Variants in FBXL18 observed in about 807,000 individuals in gnomAD.
FBXL18 encodes F-box/LRR-repeat protein 18.
In FBXL18, 36 loss-of-function variants were observed where a neutral mutation model predicts 46.0. The ratio of observed to expected loss-of-function variants is 0.78; its 90% CI spans 0.60 to 1.03. FBXL18 has a LOEUF of 1.03. FBXL18 is among the 50% of genes least tolerant of loss of function. FBXL18 has a pLI of 0.00. For missense variants in FBXL18, 977 were observed against 1,004.1 expected (o/e 0.97, Z 0.36); for synonymous variants, 557 against 465.3 (o/e 1.20, Z -2.54).
At chr7:5,507,834 A>G (rs776455093) in intron 1 of FBXL18, among the ~76,000 whole-genome samples, 2 of 151,434 alleles carry the variant, frequency 1.3e-5, no homozygotes, top group Non-Finnish European at 2.9e-5. Context: ...ACACTGTCTC[A>G]AAAGAAAATT....
Position 5,505,543 on chromosome 7 carries a change from G to A in FBXL18, c.106C>T (p.Leu36Phe). ...GGGACGTGACTCAGGATGTGAAGGAGGATCTCATCAGAGAACCCTAGGAGG... is the reference window on the plus strand; with the variant it reads ...GGGACGTGACTCAGGATGTGAAGGAAGATCTCATCAGAGAACCCTAGGAGG... ...VHLLGFSDEI[L>F]LHILSHVPST... Residue 36 changes from leucine to phenylalanine, a missense_variant, in exon 2 of 5, where the codon CTC (leucine) becomes TTC (phenylalanine). Coordinates refer to ENST00000382368, the MANE Select transcript of FBXL18 (RefSeq NM_024963.6). 6.2e-7 allele frequency: 1 copy of A among 1,614,132 alleles called. No individual in the cohort carries two copies. The highest frequency in any genetic ancestry group is 8.5e-7 in the Non-Finnish European group (1 of 1,180,018).
chr7:5,474,095 C>T (rs1489576761), downstream of FBXL18, among the ~76,000 whole-genome samples: 1 of 152,124 alleles, frequency 6.6e-6, no homozygotes, highest in Non-Finnish European at 1.5e-5. Context: ...TTGTGCCTGG[C>T]CCAGATTCCA....
intron 4 of FBXL18, among the ~76,000 whole-genome samples, chr7:5,484,057 G>C (rs1476489048): frequency 1.3e-5 from 2 of 152,190 alleles, no homozygotes; most frequent in East Asian, 3.9e-4. Context: ...CAATGTCCAT[G>C]ACCGTGAACA....
chr7:5,503,572 C>A (rs957313913), intron 2 of FBXL18, among the ~76,000 whole-genome samples: 6 of 151,444 alleles, frequency 4.0e-5, no homozygotes, highest in Middle Eastern at 6.8e-3. Flanking sequence ...GTTGTCCAGG[C>A]GGGTCTTGAA....
At chr7:5,493,116 C>T (rs549886660) in intron 3 of FBXL18, among the ~76,000 whole-genome samples, 1 of 152,304 alleles carries the variant, frequency 6.6e-6, no homozygotes, top group South Asian at 2.1e-4. Flanking sequence ...AGGAGGATCA[C>T]TTGAGCCCAG....
intron 3 of FBXL18, among the ~76,000 whole-genome samples, chr7:5,500,095 A>T (rs1168463096): frequency 1.9e-3 from 2 of 1,028 alleles, no homozygotes; most frequent in East Asian, 0.038. Flanking sequence ...AATTTAAATT[A>T]AAAAAAAAAA....
chr7:5,463,716 A>ATATATT (rs1562672225), intron 4 of FBXL18, among the ~76,000 whole-genome samples: 2 of 61,420 alleles, frequency 3.3e-5, no homozygotes, highest in Non-Finnish European at 6.0e-5. Context: ...TTATTTATTT[A>ATATATT]TTTATTTATT....
chr7:5,495,738 C>T (rs1470202310), intron 3 of FBXL18: 9 of 464,468 alleles, frequency 1.9e-5, no homozygotes, highest in African/African-American at 1.2e-4. Flanking sequence ...CTCCTGCCCA[C>T]GGGCAAGCGA....
intron 3 of FBXL18, among the ~76,000 whole-genome samples, chr7:5,493,074 CTT>C (rs961971859): frequency 1.3e-5 from 2 of 152,308 alleles, no homozygotes; most frequent in African/African-American, 4.8e-5. Context: ...GTGGCTCACA[CTT>C]ATAATCCCAG....
intron 4 of FBXL18, among the ~76,000 whole-genome samples, chr7:5,464,084 G>A (rs1168064719): frequency 6.6e-6 from 1 of 152,192 alleles, no homozygotes; most frequent in East Asian, 1.9e-4. Context: ...GGTGACTCAG[G>A]CCTGTAATCG....
At position 5,462,950 on chromosome 7, in the gene FBXL18, CAAAAAAAAA is replaced by C. The variant is rs138208570; in HGVS notation, c.2001-15116_2001-15108del. Among the ~76,000 whole-genome samples, 24 of 22,380 alleles carry C rather than the reference CAAAAAAAAA, an allele frequency of 1.1e-3. 1 individual carries two copies. The highest frequency in any genetic ancestry group is 0.042 in the Middle Eastern group (1 of 24). 14.7% of individuals were successfully genotyped at this position (22,380 alleles called of 152,430 possible). ...TGGGCGACAGAGTGAGACTTGGTCT[CAAAAAAAAA>C]AAAAAAAAAAATATATATATATATA... is the stretch of plus-strand genomic sequence containing the variant. On this transcript the variant is annotated intron_variant and NMD_transcript_variant, in intron 4 of 6. Coordinates refer to the FBXL18 transcript ENST00000415009.
At chr7:5,464,166 A>G (rs952217551) in intron 4 of FBXL18, among the ~76,000 whole-genome samples, 3 of 152,066 alleles carry the variant, frequency 2.0e-5, no homozygotes, top group Non-Finnish European at 1.5e-5. Flanking sequence ...CAACATGGTG[A>G]AACCCTGTAT....
intron 4 of FBXL18, among the ~76,000 whole-genome samples, chr7:5,456,168 C>A (rs535161480): frequency 6.6e-6 from 1 of 152,106 alleles, no homozygotes; most frequent in African/African-American, 2.4e-5. Context: ...CTGTCCTCCC[C>A]GAGGCTCAGC....
chr7:5,489,492 C>T (rs569584187), intron 4 of FBXL18: 5 of 353,176 alleles, frequency 1.4e-5, no homozygotes, highest in Non-Finnish European at 2.2e-5. Context: ...AAAATTAGGC[C>T]GGGCGCGGTG....
At chr7:5,504,915 CAAAAAAAAAAAAAAAAAAA>C (rs59985346) in intron 2 of FBXL18, among the ~76,000 whole-genome samples, 12 of 30,048 alleles carry the variant, frequency 4.0e-4, no homozygotes, top group African/African-American at 8.2e-4. Flanking sequence ...GACTCCATCT[CAAAAAAAAAAAAAAAAAAA>C]AAAAAAAAAA....
intron 4 of FBXL18, among the ~76,000 whole-genome samples, chr7:5,469,983 A>T (rs1324780735): frequency 1.3e-5 from 2 of 152,012 alleles, no homozygotes; most frequent in Non-Finnish European, 2.9e-5. Context: ...GTGGCATGTG[A>T]TTGTCAGAGT....
At chr7:5,474,809 G>A (rs1783483621), downstream of FBXL18, among the ~76,000 whole-genome samples, 1 of 150,922 alleles carries the variant, frequency 6.6e-6, no homozygotes, top group Non-Finnish European at 1.5e-5. Flanking sequence ...CCGGGTTCAG[G>A]CCATTCTCCT....
intron 4 of FBXL18, among the ~76,000 whole-genome samples, chr7:5,468,258 C>T (rs1289374085): frequency 6.6e-6 from 1 of 152,132 alleles, no homozygotes; most frequent in Non-Finnish European, 1.5e-5. Context: ...GCTGGGATTA[C>T]AGGCATGACC....
rs531653255 is a variant in FBXL18 at position 5,455,852 on chromosome 7, C to A, written c.2001-8009G>T. The stretch of plus-strand genomic sequence containing the variant: ...AGATCACACTCTTCTCCATATGACC[C>A]CAGCCAATGAGCGGGCGAGACCTGG... On this transcript the variant is annotated intron_variant and NMD_transcript_variant, in intron 4 of 6. Coordinates refer to the FBXL18 transcript ENST00000415009. The surrounding 1 kb of genome is among the most constrained non-coding windows in gnomAD (Gnocchi z 4.6). 6.6e-6 allele frequency among the ~76,000 whole-genome samples: 1 copy of A among 152,174 alleles called. No individual in the cohort carries two copies. Among genetic ancestry groups the A allele is most frequent in the South Asian group, 2.1e-4 (1 of 4,810 alleles).
Sources: gnomAD v4.1 joint callset for allele counts (sites outside exome capture counted in the v4.1 genomes callset) on GRCh38, gnomAD v4.1.1 for gene constraint, Gnocchi (gnomAD v3.1) non-coding constraint, MANE v1.5 for transcripts, NCBI Gene and HGNC (gene_info 2026-07-23, HGNC 2026-07-21) for gene names.